Variants in TEX11 observed in about 807,000 individuals in gnomAD.
TEX11 encodes the protein testis expressed 11.
In TEX11, 7 loss-of-function variants were observed where a neutral mutation model predicts 84.4. The ratio of observed to expected loss-of-function variants is 0.08; its 90% CI spans 0.05 to 0.16. The LOEUF (loss-of-function observed/expected upper bound fraction) is 0.16. TEX11 is among the 10% of genes least tolerant of loss of function. The pLI, the probability that TEX11 is intolerant of heterozygous loss-of-function variation, is 1.00. For missense variants in TEX11, 551 were observed against 660.5 expected, an observed-to-expected ratio of 0.83 and a Z score of 1.82; for synonymous variants, 264 against 222.8, an observed-to-expected ratio of 1.18 and a Z score of -1.64.
At chrX:70,721,102 G>A (rs1437049820) in intron 13 of TEX11, among the ~76,000 whole-genome samples, 2 of 111,361 alleles carry the variant, frequency 1.8e-5, no homozygotes, top group Non-Finnish European at 3.8e-5. Flanking sequence ...TACGTTAGAG[G>A]TACTTCATAA....
At chrX:70,549,755 A>G (rs1385559586) in intron 28 of TEX11, among the ~76,000 whole-genome samples, 3 of 112,405 alleles carry the variant, frequency 2.7e-5, no homozygotes, top group Non-Finnish European at 3.8e-5. Flanking sequence ...AGTAGAATAG[A>G]GCACTAGGTA....
intron 28 of TEX11, among the ~76,000 whole-genome samples, chrX:70,536,271 T>C (rs981762459): frequency 1.3e-4 from 14 of 111,140 alleles, no homozygotes; most frequent in African/African-American, 9.8e-5. Context: ...TTATTTTTCA[T>C]AGAGACAAGA....
intron 28 of TEX11, 41 bp from the exon 29 acceptor site, chrX:70,530,040 C>G (rs1238168512): frequency 9.0e-7 from 1 of 1,105,112 alleles, no homozygotes; most frequent in Middle Eastern, 2.5e-4. Flanking sequence ...ATTACTGTCA[C>G]AGTTCATTGT....
At chrX:70,603,117 G>A (rs2089148454) in intron 24 of TEX11, among the ~76,000 whole-genome samples, 1 of 70,982 alleles carries the variant, frequency 1.4e-5, no homozygotes, top group Admixed American at 1.9e-4. Context: ...CGTGAAAATG[G>A]CCATACTGCC....
intron 2 of TEX11, among the ~76,000 whole-genome samples, chrX:70,906,637 A>C (rs2091835572): frequency 9.0e-6 from 1 of 110,540 alleles, no homozygotes; most frequent in African/African-American, 3.3e-5. Flanking sequence ...AATGCAAAAA[A>C]TTAGCCAGGC....
chrX:70,666,350 C>T (rs1432620470), intron 16 of TEX11, among the ~76,000 whole-genome samples: 1 of 111,422 alleles, frequency 9.0e-6, no homozygotes, highest in Non-Finnish European at 1.9e-5. Flanking sequence ...AATGAAGAAG[C>T]ATGAAAAAAG....
chrX:70,707,866 G>T (rs2147693844), intron 13 of TEX11, among the ~76,000 whole-genome samples: 1 of 110,080 alleles, frequency 9.1e-6, no homozygotes. Flanking sequence ...CATTAGCCTT[G>T]GCAAATAATT....
At chrX:70,780,751 G>C (rs2091033815) in intron 9 of TEX11, among the ~76,000 whole-genome samples, 1 of 112,753 alleles carries the variant, frequency 8.9e-6, no homozygotes, top group Non-Finnish European at 1.9e-5. Context: ...GCCTGGCTGG[G>C]GGAGGGGCAT....
At chrX:70,712,734 A>ATG (rs1302371891) in intron 13 of TEX11, among the ~76,000 whole-genome samples, 7 of 110,895 alleles carry the variant, frequency 6.3e-5, no homozygotes, top group Non-Finnish European at 1.3e-4. Flanking sequence ...TGTCATCTGC[A>ATG]AACAGGGACA....
chrX:70,600,725 G>A (rs1466134150), intron 24 of TEX11, among the ~76,000 whole-genome samples: 6 of 89,989 alleles, frequency 6.7e-5, no homozygotes, highest in African/African-American at 2.0e-4. Flanking sequence ...ACTCAAAACC[G>A]CTCAACTACA....
intron 11 of TEX11, among the ~76,000 whole-genome samples, chrX:70,726,526 T>C (rs1476267965): frequency 2.7e-5 from 3 of 111,019 alleles, no homozygotes; most frequent in South Asian, 7.7e-4. Flanking sequence ...CATAGCTTTG[T>C]TTGTTTGTTT....
the TEX11 span, among the ~76,000 whole-genome samples, chrX:70,515,891 ATG>A: frequency 4.5e-5 from 5 of 112,186 alleles, no homozygotes; most frequent in African/African-American, 1.6e-4. Flanking sequence ...GCATTTTTTC[ATG>A]TGTCTGTTGG....
At chrX:70,611,455 T>A (rs953884434) in intron 20 of TEX11, among the ~76,000 whole-genome samples, 3 of 111,978 alleles carry the variant, frequency 2.7e-5, no homozygotes, top group African/African-American at 9.7e-5. Context: ...TGGACAAGTC[T>A]GAATTAAAAG....
At chrX:70,864,741 CAAA>C (rs1158189701) in intron 4 of TEX11, among the ~76,000 whole-genome samples, 2 of 36,049 alleles carry the variant, frequency 5.5e-5, no homozygotes, top group Non-Finnish European at 1.2e-4. Flanking sequence ...GATGCCATCT[CAAA>C]AAAAAAAAAA....
intron 9 of TEX11, among the ~76,000 whole-genome samples, chrX:70,750,928 A>AT (rs1569429012): frequency 3.7e-3 from 135 of 36,911 alleles, no homozygotes; most frequent in African/African-American, 0.016. Flanking sequence ...TAATAAAAAA[A>AT]AAAAAATATA....
the TEX11 span, among the ~76,000 whole-genome samples, chrX:70,521,753 T>C: frequency 1.8e-5 from 2 of 111,913 alleles, no homozygotes; most frequent in African/African-American, 3.2e-5. Flanking sequence ...AGGCTAGACA[T>C]AGTAAGGTAT....
At position 70,651,543 on chromosome X, in the gene TEX11, C is replaced by A; in HGVS notation, c.1390G>T (p.Ala464Ser). The A allele has an allele frequency of 8.3e-7, 1 of 1,197,766 alleles. No individual in the cohort carries two copies. The highest frequency in any genetic ancestry group is 3.0e-5 in the East Asian group (1 of 33,633). Residue 464 changes from alanine to serine, a missense_variant, in exon 17 of 30, where the codon GCA becomes TCA. Transcript: ENST00000374333. The stretch of plus-strand genomic sequence containing the variant: ...TCATGTCGTTCAGCTTCTGCCACTG[C>A]CTCTTTGGCCTGGAAAGAAAAACAC... ...NLQQLDKAKEAVAEAERHDPR... is the reference protein window; with the variant it reads ...NLQQLDKAKESVAEAERHDPR...
rs200000542 is a variant in TEX11, at chrX:70,555,689, T to C, written c.2141-889A>G. Among the ~76,000 whole-genome samples, 52 of 112,424 alleles carry C rather than the reference T, an allele frequency of 4.6e-4. No individual in the cohort carries two copies. The East Asian group carries it at 0.01, about 22-fold the overall frequency. On this transcript the variant is annotated intron_variant, in intron 25 of 29. Coordinates refer to ENST00000374333, the MANE Select transcript of TEX11 (RefSeq NM_031276.3). ...GTATCAGGATAATAGTCTCATAAGA[T>C]GAACTGGGAATTGGGCCCTCCTTTC...
intron 13 of TEX11, among the ~76,000 whole-genome samples, chrX:70,713,571 G>A (rs1224030829): frequency 1.8e-5 from 2 of 111,742 alleles, no homozygotes; most frequent in East Asian, 2.8e-4. Flanking sequence ...TTTCTAGTTT[G>A]TTTGTGTAGA....
Sources: allele counts gnomAD v4.1 joint callset (sites outside exome capture counted in the v4.1 genomes callset), GRCh38; gene constraint gnomAD v4.1.1; transcripts MANE v1.5; gene names NCBI Gene and HGNC (gene_info 2026-07-23, HGNC 2026-07-21).